The following FBXO10 variants were observed in gnomAD, a reference collection of about 807,000 sequenced individuals.
FBXO10 encodes the protein F-box only protein 10.
In FBXO10, 39 loss-of-function variants were observed where a neutral mutation model predicts 80.7. The ratio of observed to expected loss-of-function variants is 0.48; its 90% CI spans 0.37 to 0.63. The LOEUF (loss-of-function observed/expected upper bound fraction) is 0.63, where lower values mean the gene tolerates loss of function less well. FBXO10 is among the 30% of genes least tolerant of loss of function. FBXO10 has a pLI of 0.00. For missense variants in FBXO10, 1,025 were observed against 1,269.0 expected (o/e 0.81, Z 2.92); for synonymous variants, 449 against 489.6 (o/e 0.92, Z 1.09).
At chr9:37,544,790 C>T (rs1281456188) in intron 1 of FBXO10, among the ~76,000 whole-genome samples, 2 of 151,778 alleles carry the variant, frequency 1.3e-5, no homozygotes, top group East Asian at 1.9e-4. Context: ...GTCAGGAGAT[C>T]GAGACCATCC....
intron 1 of FBXO10, among the ~76,000 whole-genome samples, chr9:37,573,426 C>G (rs1348514637): frequency 6.6e-6 from 1 of 152,182 alleles, no homozygotes; most frequent in African/African-American, 2.4e-5. Flanking sequence ...GAAAACCAAG[C>G]ATGGAATCAT....
chr9:37,555,380 C>CTTT (rs56270239), intron 1 of FBXO10, among the ~76,000 whole-genome samples: 4 of 148,822 alleles, frequency 2.7e-5, no homozygotes, highest in Admixed American at 6.7e-5. Flanking sequence ...AATCTTTTGT[C>CTTT]TTTTTTTTTT....
chr9:37,516,202 G>C, intron 9 of FBXO10, 117 bp from the exon 10 acceptor site: 1 of 1,169,212 alleles, frequency 8.6e-7, no homozygotes, highest in South Asian at 1.6e-5. Context: ...AGGCAGGTCA[G>C]TGAAGAGCCT....
In FBXO10 at chr9:37,574,244, C is replaced by T. The variant is rs574143034; in HGVS notation, c.-7+1967G>A. On this transcript the variant is annotated intron_variant, in intron 1 of 10. Transcript: ENST00000432825. ...TCTATTTCTACTCACTCCCACTCCT[C>T]TTGGCACTGCCACCAATGCACGTTT... is the stretch of plus-strand genomic sequence containing the variant. Among the ~76,000 whole-genome samples the T allele has an allele frequency of 7.9e-5, 12 of 152,298 alleles. No individual in the cohort carries two copies. The South Asian group carries it at 2.5e-3, about 32-fold the overall frequency.
Position 37,537,439 on chromosome 9 carries a change from C to A in FBXO10, c.1090G>T (p.Asp364Tyr), listed in dbSNP as rs1299476927. The change falls in exon 3 of 11, where the codon GAT (aspartate) becomes TAT (tyrosine). Residue 364 changes from aspartate to tyrosine, a missense_variant. Physicochemically the swap from Asp to Tyr is radical, Grantham distance 160. Coordinates refer to ENST00000432825, the MANE Select transcript of FBXO10 (RefSeq NM_012166.3). ...TACATCAGCTGGTCCTCATCTTCAT[C>A]CTCACCGCTGGGACTCAGGCCTCCA... ...SDGGLSPSGE[D>Y]EDEDQLMYRL... The A allele has an allele frequency of 6.2e-7, 1 of 1,602,226 alleles. No homozygotes were observed. The highest frequency in any genetic ancestry group is 8.5e-7 in the Non-Finnish European group (1 of 1,174,230).
chr9:37,575,991 G>A (rs1415733965), intron 1 of FBXO10, among the ~76,000 whole-genome samples: 1 of 152,234 alleles, frequency 6.6e-6, no homozygotes, highest in Non-Finnish European at 1.5e-5. Context: ...CTCCGTCGGC[G>A]CGCCTGAGCC....
At chr9:37,560,176 T>C (rs1183210283) in intron 1 of FBXO10, among the ~76,000 whole-genome samples, 4 of 152,176 alleles carry the variant, frequency 2.6e-5, no homozygotes, top group African/African-American at 9.7e-5. Flanking sequence ...TTTAAGGAGA[T>C]CCATCCAGGA....
chr9:37,533,266 C>A (rs62534399), intron 3 of FBXO10, among the ~76,000 whole-genome samples: 1 of 152,174 alleles, frequency 6.6e-6, no homozygotes, highest in Non-Finnish European at 1.5e-5. Context: ...GAAAAACAGG[C>A]CAGGTGTGGT....
At chr9:37,572,393 T>C (rs1455534700) in intron 1 of FBXO10, among the ~76,000 whole-genome samples, 3 of 152,228 alleles carry the variant, frequency 2.0e-5, no homozygotes, top group Non-Finnish European at 4.4e-5. Flanking sequence ...TCTAAGGATG[T>C]ACTTGGCAGT....
intron 1 of FBXO10, among the ~76,000 whole-genome samples, chr9:37,553,139 T>TCAAGCAATTCTCCTGCCTC (rs1233072452): frequency 5.9e-5 from 9 of 152,002 alleles, no homozygotes; most frequent in Non-Finnish European, 8.8e-5. Flanking sequence ...CCTCCTGGCT[T>TCAAGCAATTCTCCTGCCTC]CAAGCAATTC....
rs777100958 is a variant in FBXO10, at chr9:37,516,058, G to A, written c.2542C>T (p.Arg848Trp). ...CCCCGCACGGCGATGCCGTAGGCCC[G>A]GAACGAGTGGATCCGGTTCTTTATT... ...KVIKNRIHSF[R>W]AYGIAVRGRA... Residue 848 changes from arginine to tryptophan, a missense_variant, in exon 10 of 11, where the codon CGG becomes TGG. Coordinates refer to ENST00000432825, the MANE Select transcript of FBXO10 (RefSeq NM_012166.3). 4 of 1,613,000 alleles carry A rather than the reference G, an allele frequency of 2.5e-6. No individual in the cohort carries two copies. The highest frequency in any genetic ancestry group is 1.1e-5 in the South Asian group (1 of 91,014).
At chr9:37,532,293 T>TC (rs1821648122) in intron 3 of FBXO10, among the ~76,000 whole-genome samples, 1 of 143,872 alleles carries the variant, frequency 7.0e-6, no homozygotes, top group Admixed American at 6.9e-5. Flanking sequence ...TCACATTGGT[T>TC]CTTTTTTTTT....
intron 1 of FBXO10, among the ~76,000 whole-genome samples, chr9:37,542,509 C>T (rs915466577): frequency 1.3e-5 from 2 of 150,524 alleles, no homozygotes; most frequent in Non-Finnish European, 2.9e-5. Context: ...GCAGGAGAAT[C>T]GCTTGAACCC....
At chr9:37,517,287 C>G (rs1821207587) in intron 9 of FBXO10, among the ~76,000 whole-genome samples, 1 of 152,034 alleles carries the variant, frequency 6.6e-6, no homozygotes, top group South Asian at 2.1e-4. Context: ...ACAGGGGCAC[C>G]AAAATCTCAG....
At chr9:37,536,359 T>C (rs1821765669) in intron 3 of FBXO10, among the ~76,000 whole-genome samples, 1 of 152,186 alleles carries the variant, frequency 6.6e-6, no homozygotes, top group South Asian at 2.1e-4. Context: ...CTGCATGGGC[T>C]GTCTTTCCCT....
At chr9:37,567,198 A>G (rs1019807807) in intron 1 of FBXO10, among the ~76,000 whole-genome samples, 1 of 146,916 alleles carries the variant, frequency 6.8e-6, no homozygotes, top group African/African-American at 2.5e-5. Flanking sequence ...ATTGGAGTGC[A>G]GTGATGTGAT....
intron 1 of FBXO10, among the ~76,000 whole-genome samples, chr9:37,570,531 C>G (rs575738695): frequency 7.9e-5 from 12 of 151,878 alleles, no homozygotes; most frequent in African/African-American, 2.9e-4. Flanking sequence ...CAGAGCAGAA[C>G]TTATGAAACA....
At position 37,551,178 on chromosome 9, in the gene FBXO10, G is replaced by C. The variant is rs145182979; in HGVS notation, c.-6-9404C>G. Among the ~76,000 whole-genome samples the C allele has an allele frequency of 1.7e-4, 26 of 152,326 alleles. No individual in the cohort carries two copies. The South Asian group carries it at 2.3e-3, about 13-fold the overall frequency. On this transcript the variant is annotated intron_variant, in intron 1 of 10. Coordinates refer to ENST00000432825, the MANE Select transcript of FBXO10 (RefSeq NM_012166.3). ...TTAAGGCTGGACAATAATCTTCTTCGACTCCATGTCCAACTTTCTGGACAC... is the reference window on the plus strand; with the variant it reads ...TTAAGGCTGGACAATAATCTTCTTCCACTCCATGTCCAACTTTCTGGACAC...
chr9:37,551,939 A>C (rs1295175529), intron 1 of FBXO10, among the ~76,000 whole-genome samples: 1 of 152,208 alleles, frequency 6.6e-6, no homozygotes, highest in Non-Finnish European at 1.5e-5. Flanking sequence ...CAAATCACCT[A>C]GCTTTTCTAG....
Sources: allele counts gnomAD v4.1 joint callset (sites outside exome capture counted in the v4.1 genomes callset), GRCh38; gene constraint gnomAD v4.1.1; transcripts MANE v1.5; gene names NCBI Gene and HGNC (gene_info 2026-07-23, HGNC 2026-07-21).